The following NRP2 variants were observed in gnomAD, a reference collection of about 807,000 sequenced individuals.
NRP2 encodes the protein neuropilin 2, also known as neuropilin-2.
NRP2 carries 52 observed loss-of-function variants against 110.4 expected under a neutral mutation model. That is an observed-to-expected ratio of 0.47 (90% CI 0.38 to 0.59). NRP2 has a LOEUF of 0.59. Ranked by LOEUF, NRP2 falls within the 20% of genes least tolerant of loss-of-function variation. The probability of loss-of-function intolerance (pLI) is 0.00; values close to 1 mark genes in which losing one functional copy is unlikely to be tolerated. For synonymous variants in NRP2, 508 were observed against 468.9 expected (o/e 1.08, Z -1.08); for missense variants, 1,049 against 1,203.0 (o/e 0.87, Z 1.89).
intron 2 of NRP2, among the ~76,000 whole-genome samples, chr2:205,711,441 G>C (rs772586100): frequency 1.1e-4 from 16 of 152,160 alleles, no homozygotes; most frequent in Admixed American, 1.0e-3. Flanking sequence ...GTGACAGCAG[G>C]CTTCTCTGTG....
At position 205,796,290 on chromosome 2, in the gene NRP2, T is replaced by G. The variant is rs1271549981; in HGVS notation, c.*1232T>G. On this transcript the variant is annotated 3_prime_UTR_variant, in exon 17 of 17. Transcript: ENST00000357785. ...ACACCATTTCAACCTTTCGGGAGAG[T>G]CAGAGCTAGGATGTACAAGAACTGA... 2 of 152,030 alleles carry G rather than the reference T, an allele frequency of 1.3e-5. No homozygotes were observed. Among genetic ancestry groups the G allele is most frequent in the Non-Finnish European group, 2.9e-5 (2 of 67,978 alleles). The allele number at this position is 152,030 out of a possible 1,614,324, so 9.4% of individuals were successfully genotyped here.
chr2:205,723,825 C>A lies in NRP2; in HGVS notation c.705C>A (p.Pro235=), dbSNP rs2057069919. The A allele has an allele frequency of 1.9e-6, 3 of 1,614,080 alleles. No individual in the cohort carries two copies. In the African/African-American group the frequency reaches 4.0e-5, roughly 22 times the overall value. Reference sequence around the variant, plus strand: ...GCAAGTACTGTGGGACCAAAACACCCTCTGAACTTCGTTCATCGACGGGGA... The same window carrying A: ...GCAAGTACTGTGGGACCAAAACACCATCTGAACTTCGTTCATCGACGGGGA... ...LIGKYCGTKT[P]SELRSSTGIL... Residue 235 remains proline, a synonymous_variant, in exon 5 of 17, where the codon CCC becomes CCA. Transcript: ENST00000357785.
intron 7 of NRP2, among the ~76,000 whole-genome samples, chr2:205,739,233 A>C (rs2057398434): frequency 6.6e-6 from 1 of 152,208 alleles, no homozygotes; most frequent in African/African-American, 2.4e-5. Flanking sequence ...TGTTAGAAGA[A>C]ACTACAAGCT....
At chr2:205,751,169 G>A (rs1372498940) in intron 11 of NRP2, among the ~76,000 whole-genome samples, 2 of 152,178 alleles carry the variant, frequency 1.3e-5, no homozygotes, top group African/African-American at 4.8e-5. Flanking sequence ...TGGATTTACA[G>A]AGTTAGCTTG....
intron 15 of NRP2, chr2:205,776,120 T>G (rs1434774989): frequency 1.1e-6 from 1 of 935,620 alleles, no homozygotes. Context: ...GAGTACCACC[T>G]TAGTCCCCCA....
intron 1 of NRP2, among the ~76,000 whole-genome samples, chr2:205,689,882 A>G (rs2056268777): frequency 6.6e-6 from 1 of 152,208 alleles, no homozygotes; most frequent in Non-Finnish European, 1.5e-5. Flanking sequence ...AAGTCATCAT[A>G]AAGACAAAAT....
chr2:205,784,156 G>T (rs932840886), intron 15 of NRP2, among the ~76,000 whole-genome samples: 2 of 152,166 alleles, frequency 1.3e-5, no homozygotes, highest in African/African-American at 4.8e-5. Context: ...AGCAATACCA[G>T]TTTCTTTCTC....
intron 2 of NRP2, among the ~76,000 whole-genome samples, chr2:205,705,436 T>C (rs1000310955): frequency 1.2e-4 from 18 of 152,208 alleles, no homozygotes; most frequent in African/African-American, 4.1e-4. Flanking sequence ...TGAGTTGGGC[T>C]TAGGTTTGGG....
At chr2:205,765,817 T>C (rs1051711697) in intron 14 of NRP2, 11 of 614,620 alleles carry the variant, frequency 1.8e-5, no homozygotes, top group Middle Eastern at 4.6e-4. Flanking sequence ...ACTAAGTACA[T>C]AGAGGTTCAG....
chr2:205,711,457 A>T (rs2056796746), intron 2 of NRP2, among the ~76,000 whole-genome samples: 1 of 152,182 alleles, frequency 6.6e-6, no homozygotes, highest in South Asian at 2.1e-4. Flanking sequence ...CTGTGGAGGT[A>T]ACATTTGTCC....
In NRP2 at chr2:205,743,269, C is replaced by T; in HGVS notation, c.1358C>T (p.Ser453Phe). The change falls in exon 9 of 17, where the codon TCT (serine) becomes TTT (phenylalanine). Residue 453 changes from serine to phenylalanine, a missense_variant. Transcript: ENST00000357785. ...GLIADSQISA[S>F]STQEYLWSPS... is the part of the protein sequence containing the mutation. ...ATTGCAGACTCCCAGATCTCCGCCT[C>T]TTCCACCCAGGAATACCTCTGGAGC... The T allele has an allele frequency of 6.2e-7, 1 of 1,614,170 alleles. No homozygotes were observed. Among genetic ancestry groups the T allele is most frequent in the Non-Finnish European group, 8.5e-7 (1 of 1,180,042 alleles).
chr2:205,791,452 T>C (rs954237938), intron 15 of NRP2, among the ~76,000 whole-genome samples: 3 of 152,248 alleles, frequency 2.0e-5, no homozygotes, highest in African/African-American at 7.2e-5. Context: ...CAGATAACTT[T>C]CAGTGGTTCT....
At chr2:205,699,594 T>G (rs2056509085) in intron 2 of NRP2, among the ~76,000 whole-genome samples, 1 of 152,134 alleles carries the variant, frequency 6.6e-6, no homozygotes. Flanking sequence ...AAGGCCCTGC[T>G]TTGGGTTGCA....
Position 205,745,773 on chromosome 2 carries a change from A to G in NRP2, c.1669A>G (p.Thr557Ala), listed in dbSNP as rs1322269729. 2.5e-6 allele frequency: 4 copies of G among 1,614,090 alleles called. No individual in the cohort carries two copies. Among genetic ancestry groups the G allele is most frequent in the Non-Finnish European group, 3.4e-6 (4 of 1,180,014 alleles). Reference protein sequence around the residue: ...KLFEGNMHYDTPDIRRFDPIP... With the variant: ...KLFEGNMHYDAPDIRRFDPIP... Reference sequence around the variant, plus strand: ...GTTCGAAGGGAACATGCACTATGACACCCCTGACATCCGAAGGTTTGACCC... The same window carrying G: ...GTTCGAAGGGAACATGCACTATGACGCCCCTGACATCCGAAGGTTTGACCC... Residue 557 changes from threonine to alanine, a missense_variant, in exon 10 of 17, where the codon ACC becomes GCC. Physicochemically the swap from Thr to Ala is moderately conservative, Grantham distance 58. Coordinates refer to ENST00000357785, the MANE Select transcript of NRP2 (RefSeq NM_003872.3).
intron 2 of NRP2, among the ~76,000 whole-genome samples, chr2:205,714,652 T>C (rs2056859278): frequency 6.6e-6 from 1 of 152,128 alleles, no homozygotes. Flanking sequence ...GTCTTCTCAA[T>C]CTGTGACCAT....
intron 2 of NRP2, among the ~76,000 whole-genome samples, chr2:205,698,546 G>A (rs2056485568): frequency 6.6e-6 from 1 of 152,162 alleles, no homozygotes; most frequent in African/African-American, 2.4e-5. Context: ...TAGACACTTG[G>A]GAGTACTTTA....
intron 2 of NRP2, among the ~76,000 whole-genome samples, chr2:205,703,355 C>T (rs543972681): frequency 1.2e-4 from 19 of 152,284 alleles, no homozygotes; most frequent in South Asian, 8.3e-4. Context: ...GTGCTAAGCA[C>T]GTTGGTATTA....
intron 1 of NRP2, among the ~76,000 whole-genome samples, chr2:205,695,976 G>A (rs575061261): frequency 1.3e-5 from 2 of 152,282 alleles, no homozygotes; most frequent in East Asian, 3.9e-4. Flanking sequence ...AGGGTCATTA[G>A]GTAAGAAGAT....
chr2:205,776,430 C>T (rs757002833), intron 15 of NRP2: 2 of 1,613,576 alleles, frequency 1.2e-6, no homozygotes, highest in Non-Finnish European at 1.7e-6. Context: ...ATCACTCCAT[C>T]ACCTACAAAA....
Sources: allele counts gnomAD v4.1 joint callset (sites outside exome capture counted in the v4.1 genomes callset), GRCh38; gene constraint gnomAD v4.1.1; transcripts MANE v1.5; gene names NCBI Gene and HGNC (gene_info 2026-07-23, HGNC 2026-07-21).